The following EPB41L2 variants were observed in gnomAD, a reference collection of about 807,000 sequenced individuals.
The protein encoded by EPB41L2 is erythrocyte membrane protein band 4.1 like 2, also known as band 4.1-like protein 2.
EPB41L2 carries 43 observed loss-of-function variants against 113.0 expected under a neutral mutation model. The observed-to-expected ratio is 0.38, with a 90% CI of 0.30 to 0.49. The LOEUF (loss-of-function observed/expected upper bound fraction) is 0.49. Among genes scored for constraint, EPB41L2 ranks in the 20% least tolerant of loss-of-function variants. The pLI, the probability that EPB41L2 is intolerant of heterozygous loss-of-function variation, is 0.95. For missense variants in EPB41L2, 1,147 were observed against 1,223.4 expected, an observed-to-expected ratio of 0.94 and a Z score of 0.93; for synonymous variants, 442 against 436.7, an observed-to-expected ratio of 1.01 and a Z score of -0.15.
At chr6:131,053,412 G>A (rs904642512) in intron 1 of EPB41L2, among the ~76,000 whole-genome samples, 4 of 127,490 alleles carry the variant, frequency 3.1e-5, no homozygotes, top group Admixed American at 1.9e-4. Context: ...GAGACGGGAC[G>A]AAGGGACGAA....
chr6:130,976,708 C>A (rs1778281491), intron 1 of EPB41L2, among the ~76,000 whole-genome samples: 1 of 152,174 alleles, frequency 6.6e-6, no homozygotes, highest in Non-Finnish European at 1.5e-5. Context: ...TTCTTGTCTG[C>A]TTTTAATTAA....
At chr6:131,036,913 T>C (rs1306311647) in intron 1 of EPB41L2, among the ~76,000 whole-genome samples, 2 of 152,334 alleles carry the variant, frequency 1.3e-5, no homozygotes, top group Non-Finnish European at 2.9e-5. Flanking sequence ...GGCCATCTTT[T>C]CCACTGAGAG....
chr6:130,935,777 C>T (rs1198928920), intron 3 of EPB41L2, among the ~76,000 whole-genome samples: 2 of 152,132 alleles, frequency 1.3e-5, no homozygotes, highest in African/African-American at 4.8e-5. Flanking sequence ...GTTTTCAAGA[C>T]ACAAGAATCA....
chr6:130,870,032 T>C lies in EPB41L2; in HGVS notation c.2138A>G (p.Glu713Gly), dbSNP rs1463587982. The C allele has an allele frequency of 6.2e-7, 1 of 1,613,936 alleles. No individual in the cohort carries two copies. Among genetic ancestry groups the C allele is most frequent in the Non-Finnish European group, 8.5e-7 (1 of 1,180,022 alleles). ...CCCAGGACCACTCCCAGGTGATATC[T>C]CTTTACCATTCATTTCTTCTGTGAT... ...RVITEEMNGKEISPGSGPGEI... is the reference protein window; with the variant it reads ...RVITEEMNGKGISPGSGPGEI... Residue 713 changes from glutamate (E) to glycine (G), a missense_variant, in exon 15 of 20, where the codon GAG becomes GGG. Physicochemically the swap from Glu to Gly is moderately conservative, Grantham distance 98. Transcript: ENST00000337057.
chr6:130,898,158 G>A (rs1795219556), intron 8 of EPB41L2, among the ~76,000 whole-genome samples: 1 of 150,702 alleles, frequency 6.6e-6, no homozygotes, highest in African/African-American at 2.4e-5. Flanking sequence ...TGCATAAAAA[G>A]ATTTAAGTGA....
intron 1 of EPB41L2, among the ~76,000 whole-genome samples, chr6:130,979,513 A>C (rs74852695): frequency 7.1e-6 from 1 of 141,552 alleles, no homozygotes; most frequent in African/African-American, 2.6e-5. Flanking sequence ...AAAAAAAAAA[A>C]GGAAACTGGT....
chr6:130,945,282 A>G (rs532158134), intron 3 of EPB41L2, among the ~76,000 whole-genome samples: 1 of 152,324 alleles, frequency 6.6e-6, no homozygotes, highest in African/African-American at 2.4e-5. Context: ...ACAAGCAAAT[A>G]AAACACACTC....
chr6:131,060,558 G>T (rs934269734), intron 1 of EPB41L2, among the ~76,000 whole-genome samples: 2 of 152,160 alleles, frequency 1.3e-5, no homozygotes, highest in Non-Finnish European at 2.9e-5. Flanking sequence ...TAGTAATTTG[G>T]AAAGGGTAAG....
chr6:130,955,513 G>T (rs1817145310), intron 2 of EPB41L2, among the ~76,000 whole-genome samples, 196 bp from the exon 3 acceptor site: 1 of 151,984 alleles, frequency 6.6e-6, no homozygotes, highest in South Asian at 2.1e-4. Flanking sequence ...TTCTCATTTT[G>T]CCAAGTTGGT....
rs900108325 is a variant in EPB41L2, at chr6:130,843,004, T to C, written c.*6-2406A>G. Among the ~76,000 whole-genome samples the C allele has an allele frequency of 3.5e-5, 4 of 115,338 alleles. No homozygotes were observed. In the East Asian group the frequency reaches 1.3e-3, roughly 37 times the overall value. The allele number at this position is 115,338 out of a possible 152,430, so 75.7% of individuals were successfully genotyped here. A position where few individuals can be genotyped will look rare whatever the true frequency, so the allele number is the denominator to read the frequency against. On this transcript the variant is annotated intron_variant, in intron 19 of 19. Coordinates refer to ENST00000337057, the MANE Select transcript of EPB41L2 (RefSeq NM_001431.4). The stretch of plus-strand genomic sequence containing the variant: ...TATTTTCTCATTCTTTAAAAATCAG[T>C]AAATCAAGTTTAACTCTGAGTTATT...
chr6:130,884,058 G>T (rs1790125362), intron 12 of EPB41L2, among the ~76,000 whole-genome samples: 1 of 152,108 alleles, frequency 6.6e-6, no homozygotes, highest in South Asian at 2.1e-4. Flanking sequence ...TATACGGCCG[G>T]GCTCAGTGGC....
intron 3 of EPB41L2, among the ~76,000 whole-genome samples, chr6:130,950,945 T>C (rs769977397): frequency 2.6e-5 from 4 of 152,160 alleles, no homozygotes; most frequent in African/African-American, 4.8e-5. Flanking sequence ...CATGAGTAAG[T>C]CTAGAAACTA....
intron 12 of EPB41L2, 134 bp from the exon 13 acceptor site, chr6:130,880,340 T>C (rs1239359470): frequency 1.5e-6 from 1 of 649,778 alleles, no homozygotes; most frequent in Non-Finnish European, 2.7e-6. Context: ...CTTATGAACT[T>C]AAAGCCACAA....
At chr6:130,957,661 A>G (rs17177637) in intron 1 of EPB41L2, among the ~76,000 whole-genome samples, 1,558 of 151,814 alleles carry the variant, frequency 0.01, 11 homozygotes, top group South Asian at 0.017. Flanking sequence ...TAACTTTTTA[A>G]GTGGTACAAA....
In EPB41L2 at chr6:130,979,482, G is replaced by A. The variant is rs957366039; in HGVS notation, c.-14-22983C>T. On this transcript the variant is annotated intron_variant, in intron 1 of 19. Coordinates refer to ENST00000337057, the MANE Select transcript of EPB41L2 (RefSeq NM_001431.4). The stretch of plus-strand genomic sequence containing the variant: ...TGCACTCCAGCCTGGATGATGGAGC[G>A]AGACTCTGTCAAAAAAAAAAAAAAA... Among the ~76,000 whole-genome samples, 11 of 132,736 alleles carry A rather than the reference G, an allele frequency of 8.3e-5. No individual in the cohort carries two copies. In the East Asian group the frequency reaches 2.2e-3, roughly 26 times the overall value. 87.1% of individuals were successfully genotyped at this position (132,736 alleles called of 152,430 possible).
intron 12 of EPB41L2, chr6:130,882,560 T>C (rs1006557812): frequency 6.6e-6 from 1 of 152,652 alleles, no homozygotes; most frequent in African/African-American, 2.4e-5. Context: ...CAAGTCACAG[T>C]CATAAGAAAC....
intron 1 of EPB41L2, among the ~76,000 whole-genome samples, chr6:130,977,838 T>C (rs1441377275): frequency 1.3e-5 from 2 of 152,224 alleles, no homozygotes; most frequent in Non-Finnish European, 2.9e-5. Flanking sequence ...AAAAGAATCA[T>C]AATAGCTACT....
intron 16 of EPB41L2, 87 bp from the exon 17 acceptor site, chr6:130,865,721 CT>C: frequency 7.6e-7 from 1 of 1,324,460 alleles, no homozygotes; most frequent in Non-Finnish European, 1.1e-6. Context: ...GAATATGCAT[CT>C]TTTAAAATCC....
rs1816373036 is a variant in EPB41L2, at chr6:130,954,040, C to CTTTCTTTCTTTTT, written c.705+1064_705+1065insAAAAAGAAAGAAA. 7.3e-4 allele frequency among the ~76,000 whole-genome samples: 43 copies of CTTTCTTTCTTTTT among 58,858 alleles called. 1 individual carries two copies. The highest frequency in any genetic ancestry group is 9.1e-4 in the African/African-American group (17 of 18,616). 38.6% of individuals were successfully genotyped at this position (58,858 alleles called of 152,430 possible). On this transcript the variant is annotated intron_variant, in intron 3 of 19. Transcript: ENST00000337057. The stretch of plus-strand genomic sequence containing the variant: ...TCCTCTTTTGCTAGTCCTTTTCTTT[C>CTTTCTTTCTTTTT]TTTTTTTTTTTTTTTTTTTTTTTTT...
Sources: allele counts gnomAD v4.1 joint callset (sites outside exome capture counted in the v4.1 genomes callset), GRCh38; gene constraint gnomAD v4.1.1; transcripts MANE v1.5; gene names NCBI Gene and HGNC (gene_info 2026-07-23, HGNC 2026-07-21).